Variants in ATP5F1B observed in about 807,000 individuals in gnomAD.
The protein encoded by ATP5F1B is ATP synthase F(1) complex subunit beta, mitochondrial.
ATP5F1B carries 17 observed loss-of-function variants against 45.9 expected under a neutral mutation model. The ratio of observed to expected loss-of-function variants is 0.37; its 90% CI spans 0.25 to 0.56. ATP5F1B has a LOEUF of 0.56. Among genes scored for constraint, ATP5F1B ranks in the 20% least tolerant of loss-of-function variants. The pLI is 0.80. For synonymous variants in ATP5F1B, 218 were observed against 256.5 expected (o/e 0.85, Z 1.43); for missense variants, 387 against 673.2 (o/e 0.57, Z 4.70).
intron 1 of ATP5F1B, 31 bp from the exon 2 acceptor site, chr12:56,645,384 G>C (rs767299378): frequency 1.3e-6 from 2 of 1,598,278 alleles, no homozygotes; most frequent in South Asian, 2.2e-5. Flanking sequence ...GAAGGAGCTG[G>C]GGTCAGGCCA....
At chr12:56,643,157 A>G (rs753781963) in intron 5 of ATP5F1B, 33 of 488,564 alleles carry the variant, frequency 6.8e-5, no homozygotes, top group Non-Finnish European at 8.5e-5. Context: ...ATCTACCAAA[A>G]AGAAAACCTG....
rs997974184 is a variant in ATP5F1B at position 56,644,779 on chromosome 12, A to G, written c.485+2T>C. On this transcript the variant is annotated splice_donor_variant, in intron 3 of 9. Transcript: ENST00000262030. LOFTEE classifies it high-confidence loss of function. ...TGCATAGATGCAATAAGAGCAACTTACTGTTTGGTTTTGATGGGACCTCTT... is the reference window on the plus strand; with the variant it reads ...TGCATAGATGCAATAAGAGCAACTTGCTGTTTGGTTTTGATGGGACCTCTT... 1.2e-6 allele frequency: 2 copies of G among 1,609,054 alleles called. No homozygotes were observed. Among genetic ancestry groups the G allele is most frequent in the Non-Finnish European group, 1.7e-6 (2 of 1,176,296 alleles).
chr12:56,640,989 T>C (rs935904279), intron 7 of ATP5F1B, among the ~76,000 whole-genome samples: 15 of 151,182 alleles, frequency 9.9e-5, no homozygotes, highest in Non-Finnish European at 1.9e-4. Context: ...GTGGAGGTTA[T>C]AGTGAGCCAA....
intron 7 of ATP5F1B, among the ~76,000 whole-genome samples, 183 bp from the exon 8 acceptor site, chr12:56,640,375 C>T (rs1333212279): frequency 6.6e-6 from 1 of 151,962 alleles, no homozygotes; most frequent in Non-Finnish European, 1.5e-5. Flanking sequence ...CTACAGGTGC[C>T]CATCACCACA....
chr12:56,645,477 A>T, intron 1 of ATP5F1B, 124 bp from the exon 2 acceptor site: 1 of 1,160,388 alleles, frequency 8.6e-7, no homozygotes, highest in African/African-American at 1.5e-5. Flanking sequence ...GCTTGTACGG[A>T]ACGCGTGTCC....
chr12:56,642,472 T>C lies in ATP5F1B; in HGVS notation c.1060A>G (p.Ile354Val). The change falls in exon 7 of 10, where the codon ATC (isoleucine) becomes GTC (valine). Residue 354 changes from isoleucine (I) to valine (V), a missense_variant. Around this residue, in one of 6 missense-constraint regions of ATP5F1B, gnomAD observed 154 missense variants for 361.4 expected, o/e 0.43. Coordinates refer to ENST00000262030, the MANE Select transcript of ATP5F1B (RefSeq NM_001686.4). ...ERITTTKKGS[I>V]TSVQAIYVPA... ...ATTTTTCTTACCTGTACAGAGGTGATAGATCCCTTCTTGGTAGTGGTAATT... is the reference window on the plus strand; with the variant it reads ...ATTTTTCTTACCTGTACAGAGGTGACAGATCCCTTCTTGGTAGTGGTAATT... 1 of 1,614,012 alleles carries C rather than the reference T, an allele frequency of 6.2e-7. No individual in the cohort carries two copies. The highest frequency in any genetic ancestry group is 8.5e-7 in the Non-Finnish European group (1 of 1,180,028).
At chr12:56,645,780 G>A in intron 1 of ATP5F1B, 57 bp downstream of exon 1, 1 of 1,585,916 alleles carries the variant, frequency 6.3e-7, no homozygotes, top group Non-Finnish European at 8.6e-7. Flanking sequence ...ATCGTTCCCC[G>A]GCTCAAGGTC....
rs746919715 is a variant in ATP5F1B at position 56,645,966 on chromosome 12, C to A, written c.-3G>T. The A allele has an allele frequency of 6.3e-7, 1 of 1,598,970 alleles. No individual in the cohort carries two copies. The highest frequency in any genetic ancestry group is 1.7e-5 in the Admixed American group (1 of 57,342). ...ACCCGACCCACAAACCCCAACATGG[C>A]GTAGTCCGGGTGGAGACTGAAGGCT... On this transcript the variant is annotated 5_prime_UTR_variant, in exon 1 of 10. Coordinates refer to ENST00000262030, the MANE Select transcript of ATP5F1B (RefSeq NM_001686.4).
chr12:56,641,261 A>G (rs923774793), intron 7 of ATP5F1B, among the ~76,000 whole-genome samples: 6 of 151,142 alleles, frequency 4.0e-5, no homozygotes, highest in African/African-American at 1.5e-4. Context: ...GCTACTCAGG[A>G]GGCTGAGACA....
At chr12:56,639,763 T>A in intron 8 of ATP5F1B, among the ~76,000 whole-genome samples, 1 of 144,834 alleles carries the variant, frequency 6.9e-6, no homozygotes, top group Non-Finnish European at 1.5e-5. Context: ...ACAGTGAGAC[T>A]CATCTCAAAA....
chr12:56,642,271 C>T (rs1422518368), intron 7 of ATP5F1B, among the ~76,000 whole-genome samples, 187 bp downstream of exon 7: 1 of 151,504 alleles, frequency 6.6e-6, no homozygotes, highest in Non-Finnish European at 1.5e-5. Context: ...GTTGGTATTA[C>T]AGGCATGAAC....
chr12:56,642,922 C>A, intron 5 of ATP5F1B, 91 bp from the exon 6 acceptor site: 1 of 1,429,626 alleles, frequency 7.0e-7, no homozygotes, highest in Non-Finnish European at 9.6e-7. Context: ...GACCACAGAT[C>A]CTTTCTCAGA....
chr12:56,638,234 C>T lies in ATP5F1B; in HGVS notation c.*89G>A, dbSNP rs919098509. ...ATACTGTTCAGAAAGAATATATCTT[C>T]AATCAAGGCTCTTGTGCAGCCTACA... On this transcript the variant is annotated 3_prime_UTR_variant, in exon 10 of 10. Coordinates refer to ENST00000262030, the MANE Select transcript of ATP5F1B (RefSeq NM_001686.4). 9.2e-7 allele frequency: 1 copy of T among 1,081,872 alleles called. No homozygotes were observed. The highest frequency in any genetic ancestry group is 1.4e-6 in the Non-Finnish European group (1 of 721,942). The allele number at this position is 1,081,872 out of a possible 1,614,324, so 67.0% of individuals were successfully genotyped here.
chr12:56,639,378 T>G, intron 8 of ATP5F1B, 71 bp from the exon 9 acceptor site: 4 of 1,449,188 alleles, frequency 2.8e-6, no homozygotes, highest in Non-Finnish European at 3.8e-6. Flanking sequence ...AAAGGGAAAG[T>G]TACATGCTAG....
intron 9 of ATP5F1B, 102 bp downstream of exon 9, chr12:56,639,003 TA>T: frequency 1.8e-6 from 2 of 1,129,468 alleles, no homozygotes; most frequent in Non-Finnish European, 2.5e-6. Context: ...TTTTTTAAAT[TA>T]AAAAATATAA....
chr12:56,645,751 C>A (rs537266388), intron 1 of ATP5F1B, 86 bp downstream of exon 1: 14 of 1,555,172 alleles, frequency 9.0e-6, no homozygotes, highest in East Asian at 2.4e-5. Context: ...CACCACGGAT[C>A]CCTTAGGCCC....
rs1951544904 is a variant in ATP5F1B, at chr12:56,645,730, C to A, written c.127+107G>T. 6 of 1,533,664 alleles carry A rather than the reference C, an allele frequency of 3.9e-6. No individual in the cohort carries two copies. In the East Asian group the frequency reaches 9.8e-5, roughly 25 times the overall value. On this transcript the variant is annotated intron_variant, in intron 1 of 9. Coordinates refer to ENST00000262030, the MANE Select transcript of ATP5F1B (RefSeq NM_001686.4). ...TTAGAGAGCAAGACGCGGCTCCAGG[C>A]ATCCTTTTAACACCACGGATCCCTT...
intron 3 of ATP5F1B, among the ~76,000 whole-genome samples, chr12:56,644,368 G>A (rs1951535042): frequency 8.1e-6 from 1 of 123,838 alleles, no homozygotes; most frequent in South Asian, 2.6e-4. Flanking sequence ...AGCACTTTGG[G>A]GGGCCGAGGT....
At chr12:56,640,231 A>ATTTTTTT in intron 7 of ATP5F1B, 39 bp from the exon 8 acceptor site, 1 of 1,367,956 alleles carries the variant, frequency 7.3e-7, no homozygotes, top group Non-Finnish European at 1.0e-6. Context: ...ACCAAAGTAA[A>ATTTTTTT]TTTTTTTTTT....
Sources: gnomAD v4.1 joint callset for allele counts (sites outside exome capture counted in the v4.1 genomes callset) on GRCh38, gnomAD v4.1.1 for gene constraint, gnomAD v4.1.1 regional missense constraint, MANE v1.5 for transcripts, NCBI Gene and HGNC (gene_info 2026-07-23, HGNC 2026-07-21) for gene names.